The following GNG12 variants were observed in gnomAD, a reference collection of about 807,000 sequenced individuals.
The protein encoded by GNG12 is G protein subunit gamma 12, also known as guanine nucleotide-binding protein G(I)/G(S)/G(O) subunit gamma-12.
For synonymous variants in GNG12, 28 were observed against 29.7 expected (o/e 0.94, Z 0.19); for missense variants, 69 against 83.8 (o/e 0.82, Z 0.69).
chr1:67,766,253 G>A (rs1314868285), intron 2 of GNG12, among the ~76,000 whole-genome samples: 1 of 152,076 alleles, frequency 6.6e-6, no homozygotes, highest in Admixed American at 6.6e-5. Flanking sequence ...ATGCCCTTGA[G>A]GGCTCATTTT....
intron 1 of GNG12, among the ~76,000 whole-genome samples, chr1:67,795,454 T>C (rs1646825715): frequency 6.6e-6 from 1 of 152,210 alleles, no homozygotes. Flanking sequence ...GTACACTCTG[T>C]GGCACTCACT....
chr1:67,705,359 T>C lies in GNG12; in HGVS notation c.*92A>G. 1 of 1,532,278 alleles carries C rather than the reference T, an allele frequency of 6.5e-7. No homozygotes were observed. The highest frequency in any genetic ancestry group is 8.7e-7 in the Non-Finnish European group (1 of 1,144,260). 94.9% of individuals were successfully genotyped at this position (1,532,278 alleles called of 1,614,324 possible). A position where few individuals can be genotyped will look rare whatever the true frequency, so the allele number is the denominator to read the frequency against. On this transcript the variant is annotated 3_prime_UTR_variant, in exon 4 of 4. Transcript: ENST00000370982. ...CTGAGAACATTTTAGTTATTAGCAG[T>C]GGTTACCAAATAAGCTGAAGGTAAA...
chr1:67,823,032 A>G (rs1011934772), intron 1 of GNG12, among the ~76,000 whole-genome samples: 1 of 152,170 alleles, frequency 6.6e-6, no homozygotes. Context: ...TTTTACTTTC[A>G]TCTTCTCTTT....
rs368179092 is a variant in GNG12, at chr1:67,806,006, GA to G, written c.-77+27337del. 5.7e-3 allele frequency among the ~76,000 whole-genome samples: 859 copies of G among 149,982 alleles called. 7 individuals are homozygous for G. The highest frequency in any genetic ancestry group is 0.02 in the African/African-American group (822 of 40,890). ...GAATGAATCATATAAAGTATTGAGA[GA>G]AAAAAAACGAACCTAGAATTACATA... is the stretch of plus-strand genomic sequence containing the variant. On this transcript the variant is annotated intron_variant, in intron 1 of 3. Transcript: ENST00000370982.
chr1:67,786,306 T>C (rs1646767076), intron 1 of GNG12, among the ~76,000 whole-genome samples: 1 of 152,178 alleles, frequency 6.6e-6, no homozygotes, highest in South Asian at 2.1e-4. Flanking sequence ...CCCTTGGCAG[T>C]TGAGGTTAGC....
In GNG12 at chr1:67,701,542, G is replaced by T. The variant is rs906487053; in HGVS notation, c.*3909C>A. 5.9e-5 allele frequency: 9 copies of T among 152,670 alleles called. No homozygotes were observed. Among genetic ancestry groups the T allele is most frequent in the African/African-American group, 1.7e-4 (7 of 41,472 alleles). 9.5% of individuals were successfully genotyped at this position (152,670 alleles called of 1,614,324 possible). A position where few individuals can be genotyped will look rare whatever the true frequency, so the allele number is the denominator to read the frequency against. ...TACAATGAGGCACTGACGCAGTACA[G>T]AAAGCAATGGTGCTTTTAATGAAAC... On this transcript the variant is annotated 3_prime_UTR_variant, in exon 4 of 4. Coordinates refer to ENST00000370982, the MANE Select transcript of GNG12 (RefSeq NM_018841.6).
chr1:67,721,773 T>G (rs1285334182), intron 2 of GNG12, among the ~76,000 whole-genome samples: 2 of 152,184 alleles, frequency 1.3e-5, no homozygotes, highest in Non-Finnish European at 2.9e-5. Flanking sequence ...ACCTCTTATC[T>G]GTGATGAAGT....
At chr1:67,768,330 T>C (rs1347825713) in intron 2 of GNG12, among the ~76,000 whole-genome samples, 2 of 152,218 alleles carry the variant, frequency 1.3e-5, no homozygotes, top group South Asian at 2.1e-4. Context: ...TTATTGTTAG[T>C]CCCTGTGCCA....
intron 1 of GNG12, among the ~76,000 whole-genome samples, chr1:67,795,736 A>T: frequency 6.6e-6 from 1 of 152,222 alleles, no homozygotes; most frequent in East Asian, 1.9e-4. Flanking sequence ...TGAAAAGTTG[A>T]ACCAATGGCC....
At chr1:67,815,098 G>A (rs921412596) in intron 1 of GNG12, among the ~76,000 whole-genome samples, 1 of 152,156 alleles carries the variant, frequency 6.6e-6, no homozygotes, top group African/African-American at 2.4e-5. Flanking sequence ...TAGTTCTCAA[G>A]GGGGAATGGA....
At chr1:67,800,604 C>G (rs1646859143) in intron 1 of GNG12, among the ~76,000 whole-genome samples, 1 of 152,162 alleles carries the variant, frequency 6.6e-6, no homozygotes, top group Non-Finnish European at 1.5e-5. Flanking sequence ...TATTATGTCA[C>G]AGAGAATTTT....
chr1:67,730,001 T>TTTC (rs1646409580), intron 2 of GNG12, among the ~76,000 whole-genome samples: 1 of 152,206 alleles, frequency 6.6e-6, no homozygotes, highest in Non-Finnish European at 1.5e-5. Context: ...CAGAAATGTG[T>TTTC]ACCTATTTTC....
chr1:67,732,449 G>A (rs1316655205), intron 2 of GNG12, among the ~76,000 whole-genome samples: 1 of 152,158 alleles, frequency 6.6e-6, no homozygotes, highest in Non-Finnish European at 1.5e-5. Flanking sequence ...CAGGCCCTTG[G>A]GTTTCTTATT....
At chr1:67,823,059 T>C (rs1161130847) in intron 1 of GNG12, among the ~76,000 whole-genome samples, 1 of 152,122 alleles carries the variant, frequency 6.6e-6, no homozygotes, top group East Asian at 1.9e-4. Context: ...GGAAATACAG[T>C]AGACAGAGCT....
intron 1 of GNG12, among the ~76,000 whole-genome samples, chr1:67,828,987 T>C (rs766093636): frequency 7.9e-5 from 12 of 152,246 alleles, no homozygotes; most frequent in Non-Finnish European, 1.6e-4. Context: ...TGTTTTTTAG[T>C]AACTATTACG....
intron 2 of GNG12, among the ~76,000 whole-genome samples, chr1:67,724,680 G>A (rs558906981): frequency 1.9e-4 from 29 of 152,240 alleles, no homozygotes; most frequent in African/African-American, 6.5e-4. Context: ...GTCAGCCACC[G>A]CGCCTGGCCC....
intron 2 of GNG12, among the ~76,000 whole-genome samples, chr1:67,716,744 C>T (rs1208887713): frequency 2.0e-5 from 3 of 152,216 alleles, no homozygotes; most frequent in Non-Finnish European, 4.4e-5. Context: ...TCAGGGGTTG[C>T]TGTTATTCAG....
chr1:67,744,559 T>C (rs1646498451), intron 2 of GNG12, among the ~76,000 whole-genome samples: 1 of 152,182 alleles, frequency 6.6e-6, no homozygotes, highest in Non-Finnish European at 1.5e-5. Flanking sequence ...CACGTCTTAG[T>C]GCAGCGCCAT....
chr1:67,719,937 G>A (rs929642799), intron 2 of GNG12, among the ~76,000 whole-genome samples: 13 of 152,218 alleles, frequency 8.5e-5, no homozygotes, highest in Middle Eastern at 3.2e-3. Flanking sequence ...TAAGACATGC[G>A]ATGTAGCAAC....
Sources: gnomAD v4.1 joint callset for allele counts (sites outside exome capture counted in the v4.1 genomes callset) on GRCh38, gnomAD v4.1.1 for gene constraint, MANE v1.5 for transcripts, NCBI Gene and HGNC (gene_info 2026-07-23, HGNC 2026-07-21) for gene names.